Variants in DAB2IP observed in about 807,000 individuals in gnomAD.
The protein encoded by DAB2IP is DAB2 interacting protein.
Under a neutral mutation model 107.2 loss-of-function variants are expected in DAB2IP, and 28 were observed. The observed-to-expected ratio is 0.26, with a 90% CI of 0.19 to 0.36. The LOEUF (loss-of-function observed/expected upper bound fraction) is 0.36. Ranked by LOEUF, DAB2IP falls within the 10% of genes least tolerant of loss-of-function variation. The pLI, the probability that DAB2IP is intolerant of heterozygous loss-of-function variation, is 1.00. For missense variants in DAB2IP, 1,400 were observed against 1,644.7 expected, an observed-to-expected ratio of 0.85 and a Z score of 2.57; for synonymous variants, 755 against 706.4, an observed-to-expected ratio of 1.07 and a Z score of -1.09.
intron 2 of DAB2IP, among the ~76,000 whole-genome samples, chr9:121,694,099 C>G (rs1829297498): frequency 6.6e-6 from 1 of 152,152 alleles, no homozygotes; most frequent in South Asian, 2.1e-4. Context: ...AGTGAGCGGG[C>G]CTCCCTTTCT....
chr9:121,704,011 A>G (rs1189010543), intron 3 of DAB2IP, among the ~76,000 whole-genome samples: 4 of 152,210 alleles, frequency 2.6e-5, no homozygotes, highest in Non-Finnish European at 4.4e-5. Flanking sequence ...GTGTGTTTTA[A>G]TAATCAGTTT....
rs138601372 is a variant in DAB2IP, at chr9:121,618,580, C to T, written c.40+51352C>T. 2.6e-4 allele frequency among the ~76,000 whole-genome samples: 39 copies of T among 152,244 alleles called. No individual in the cohort carries two copies. The East Asian group carries it at 7.3e-3, about 29-fold the overall frequency. On this transcript the variant is annotated intron_variant, in intron 1 of 16. Transcript: ENST00000259371. ...TTCGCCATGTTGGCCAGGCTAGTCT[C>T]GAACTCCTGACCTCAGGTGAGCCTC...
chr9:121,772,540 C>G lies in DAB2IP; in HGVS notation c.2079-67C>G. Reference sequence around the variant, plus strand: ...GTTGGCGGGTGCTGTCGGTTTGGACCCGCCTTGGCTGCACTCACAGTTCTT... The same window carrying G: ...GTTGGCGGGTGCTGTCGGTTTGGACGCGCCTTGGCTGCACTCACAGTTCTT... On this transcript the variant is annotated intron_variant, in intron 11 of 15. Coordinates refer to ENST00000408936, the Ensembl canonical transcript of DAB2IP. This position sits in a 1 kb window ranked among gnomAD's most constrained non-coding sequence, Gnocchi z 4.7. The G allele has an allele frequency of 6.5e-7, 1 of 1,535,430 alleles. No individual in the cohort carries two copies. Among genetic ancestry groups the G allele is most frequent in the Non-Finnish European group, 8.8e-7 (1 of 1,133,454 alleles).
At chr9:121,720,847 T>C (rs888222953) in intron 3 of DAB2IP, among the ~76,000 whole-genome samples, 17 of 152,136 alleles carry the variant, frequency 1.1e-4, no homozygotes, top group Admixed American at 3.3e-4. Context: ...CAATTGTCTG[T>C]GTCTGGGGTA....
intron 2 of DAB2IP, among the ~76,000 whole-genome samples, chr9:121,683,744 A>G (rs1828715292): frequency 6.6e-6 from 1 of 152,252 alleles, no homozygotes; most frequent in Non-Finnish European, 1.5e-5. Flanking sequence ...AGAACAAGGA[A>G]CAGTTATCTC....
intron 11 of DAB2IP, 37 bp downstream of exon 11, chr9:121,770,761 G>A (rs201997780): frequency 8.8e-5 from 141 of 1,606,652 alleles, no homozygotes; most frequent in Non-Finnish European, 1.1e-4. Flanking sequence ...TGGTGGGTGC[G>A]TGTGCAGACT....
chr9:121,744,478 A>C (rs1832581789), intron 3 of DAB2IP, among the ~76,000 whole-genome samples: 1 of 152,326 alleles, frequency 6.6e-6, no homozygotes, highest in East Asian at 1.9e-4. Context: ...AACCGCCTTC[A>C]TTGCCACGGC....
At chr9:121,569,134 C>A (rs1427212930) in intron 1 of DAB2IP, among the ~76,000 whole-genome samples, 1 of 152,242 alleles carries the variant, frequency 6.6e-6, no homozygotes, top group Admixed American at 6.5e-5. Context: ...CCCACCCAGC[C>A]AGCCTCAGGG....
rs898558571 is a variant in DAB2IP, at chr9:121,599,576, A to T, written c.40+32348A>T. 7.9e-5 allele frequency among the ~76,000 whole-genome samples: 12 copies of T among 151,800 alleles called. No individual in the cohort carries two copies. Among genetic ancestry groups the T allele is most frequent in the Admixed American group, 7.9e-4 (12 of 15,264 alleles). ...CCGGGGGAGGCGCGGAGCCGGCCGT[A>T]GCGCGCTCCTGCCTGGCCAGCCGCC... On this transcript the variant is annotated intron_variant, in intron 1 of 16. Coordinates refer to the DAB2IP transcript ENST00000259371. This position sits in a 1 kb window ranked among gnomAD's most constrained non-coding sequence, Gnocchi z 6.9.
chr9:121,654,200 C>T (rs1320354354), intron 1 of DAB2IP, among the ~76,000 whole-genome samples: 2 of 151,604 alleles, frequency 1.3e-5, no homozygotes, highest in East Asian at 1.9e-4. Context: ...GAACAGACTG[C>T]GCAGTCAGGG....
Position 121,736,012 on chromosome 9 carries a change from C to G in DAB2IP, c.363-21001C>G, listed in dbSNP as rs1428043436. Among the ~76,000 whole-genome samples the G allele has an allele frequency of 6.6e-6, 1 of 152,196 alleles. No individual in the cohort carries two copies. The highest frequency in any genetic ancestry group is 1.5e-5 in the Non-Finnish European group (1 of 68,040). On this transcript the variant is annotated intron_variant, in intron 3 of 15. Transcript: ENST00000408936. The surrounding 1 kb of genome is among the most constrained non-coding windows in gnomAD (Gnocchi z 4.6). ...TTCCCTTCTGTCCTGCCGGACTAGC[C>G]GGGTGCTTTCCAGAAGAGAAAACCC...
intron 14 of DAB2IP, among the ~76,000 whole-genome samples, 157 bp from the exon 15 acceptor site, chr9:121,781,307 C>T (rs1031098834): frequency 6.6e-6 from 1 of 152,176 alleles, no homozygotes; most frequent in Non-Finnish European, 1.5e-5. Context: ...GCTGGAGGGC[C>T]TCTGCCCCAG....
At chr9:121,656,121 G>A (rs992362454) in intron 1 of DAB2IP, among the ~76,000 whole-genome samples, 6 of 151,930 alleles carry the variant, frequency 3.9e-5, no homozygotes, top group African/African-American at 1.5e-4. Flanking sequence ...CGATTCTCCT[G>A]CCTCAGCCTC....
chr9:121,650,141 C>T (rs1205977428), upstream of DAB2IP, among the ~76,000 whole-genome samples: 3 of 152,196 alleles, frequency 2.0e-5, no homozygotes, highest in Non-Finnish European at 4.4e-5. Flanking sequence ...TGGCCTAACC[C>T]AAAGGAGGCT....
At chr9:121,762,487 C>T (rs1833967422) in intron 6 of DAB2IP, among the ~76,000 whole-genome samples, 1 of 152,208 alleles carries the variant, frequency 6.6e-6, no homozygotes, top group Non-Finnish European at 1.5e-5. Context: ...AAGCCAATGA[C>T]AGCTTCCCCT....
At chr9:121,649,990 G>GT (rs1363908036), upstream of DAB2IP, among the ~76,000 whole-genome samples, 1 of 152,204 alleles carries the variant, frequency 6.6e-6, no homozygotes, top group Non-Finnish European at 1.5e-5. Flanking sequence ...GCATGATGAG[G>GT]TTTTTTTGTG....
At chr9:121,585,666 A>G (rs931108356) in intron 1 of DAB2IP, among the ~76,000 whole-genome samples, 5 of 152,060 alleles carry the variant, frequency 3.3e-5, no homozygotes, top group Admixed American at 2.0e-4. Flanking sequence ...GAGACCAGCC[A>G]GGGCAGCAAG....
At chr9:121,578,617 G>T (rs1038373033) in intron 1 of DAB2IP, among the ~76,000 whole-genome samples, 1 of 150,166 alleles carries the variant, frequency 6.7e-6, no homozygotes, top group African/African-American at 2.5e-5. Context: ...CTGCCTGTAT[G>T]AGGACCCCCC....
chr9:121,688,054 C>T (rs558284874), intron 2 of DAB2IP, among the ~76,000 whole-genome samples: 6 of 152,186 alleles, frequency 3.9e-5, no homozygotes, highest in African/African-American at 1.4e-4. Flanking sequence ...TCAGACACCC[C>T]TGGGATAGGA....
Sources: gnomAD v4.1 joint callset for allele counts (sites outside exome capture counted in the v4.1 genomes callset) on GRCh38, gnomAD v4.1.1 for gene constraint, Gnocchi (gnomAD v3.1) non-coding constraint, MANE v1.5 for transcripts, NCBI Gene and HGNC (gene_info 2026-07-23, HGNC 2026-07-21) for gene names.